The following NTSR1 variants were observed in gnomAD, a reference collection of about 807,000 sequenced individuals.
NTSR1 encodes neurotensin receptor type 1.
Under a neutral mutation model 31.2 loss-of-function variants are expected in NTSR1, and 29 were observed. The observed-to-expected ratio is 0.93, with a 90% CI of 0.69 to 1.27. The LOEUF is 1.27. NTSR1 is among the 50% of genes most tolerant of loss of function. The pLI is 0.00. For missense variants in NTSR1, 697 were observed against 595.4 expected (o/e 1.17, Z -1.78); for synonymous variants, 282 against 269.9 (o/e 1.04, Z -0.44).
intron 2 of NTSR1, 132 bp downstream of exon 2, chr20:62,755,018 G>T: frequency 2.4e-6 from 2 of 849,366 alleles, no homozygotes; most frequent in Non-Finnish European, 1.8e-6. Context: ...AGACCCAAGG[G>T]TGCCAGCTCC....
intron 1 of NTSR1, among the ~76,000 whole-genome samples, chr20:62,720,848 G>T (rs569968323): frequency 6.6e-6 from 1 of 152,130 alleles, no homozygotes; most frequent in African/African-American, 2.4e-5. Flanking sequence ...TTCTAATTTA[G>T]ATCAAAATTT....
At chr20:62,725,666 C>T (rs1226616727) in intron 1 of NTSR1, among the ~76,000 whole-genome samples, 2 of 152,202 alleles carry the variant, frequency 1.3e-5, no homozygotes, top group East Asian at 1.9e-4. Flanking sequence ...CTGCTGGGTC[C>T]GTCTGACAGT....
At chr20:62,734,105 C>T (rs1989045632) in intron 1 of NTSR1, among the ~76,000 whole-genome samples, 1 of 152,286 alleles carries the variant, frequency 6.6e-6, no homozygotes, top group African/African-American at 2.4e-5. Context: ...GTCTGCGCTT[C>T]TCATCCTGGA....
rs142609284 is a variant in NTSR1, at chr20:62,737,939, A to G, written c.715-16746A>G. 5.6e-4 allele frequency among the ~76,000 whole-genome samples: 81 copies of G among 144,888 alleles called. 1 individual carries two copies. Among genetic ancestry groups the G allele is most frequent in the African/African-American group, 1.9e-3 (74 of 39,806 alleles). ...GCCCACAGATGCCCTTCAGCCCTGC[A>G]GCCTCTGCGTAAAGCTCCCTCCTCT... is the stretch of plus-strand genomic sequence containing the variant. On this transcript the variant is annotated intron_variant, in intron 1 of 3. Coordinates refer to ENST00000370501, the MANE Select transcript of NTSR1 (RefSeq NM_002531.3).
At chr20:62,726,817 G>A (rs1213903941) in intron 1 of NTSR1, among the ~76,000 whole-genome samples, 1 of 152,132 alleles carries the variant, frequency 6.6e-6, no homozygotes, top group Non-Finnish European at 1.5e-5. Flanking sequence ...GCCTGGCCCC[G>A]GCCGCGTTAG....
In NTSR1 at chr20:62,709,697, G is replaced by A; in HGVS notation, c.490G>A (p.Val164Met). The A allele has an allele frequency of 6.2e-7, 1 of 1,612,794 alleles. No individual in the cohort carries two copies. ...ATALNVASLS[V>M]ERYLAICHPF... is the part of the protein sequence containing the mutation. ...GGCCCTCAACGTGGCCAGCCTGAGT[G>A]TGGAGCGCTACCTGGCCATCTGCCA... The change falls in exon 1 of 4, where the codon GTG (valine) becomes ATG (methionine). Residue 164 changes from valine to methionine, a missense_variant. Physicochemically the swap from Val to Met is conservative, Grantham distance 21 (BLOSUM62 1). Transcript: ENST00000370501.
rs1988610716 is a variant in NTSR1, at chr20:62,711,430, TC to T, written c.714+1513del. ...ATTGGCATTGGCCAGGGGGAACCTC[TC>T]CCCAGTCCGCGTGGAGGGGCCCCAG... is the stretch of plus-strand genomic sequence containing the variant. On this transcript the variant is annotated intron_variant, in intron 1 of 3. Coordinates refer to ENST00000370501, the MANE Select transcript of NTSR1 (RefSeq NM_002531.3). The surrounding 1 kb of genome is among the most constrained non-coding windows in gnomAD (Gnocchi z 6.4). Among the ~76,000 whole-genome samples, 1 of 151,958 alleles carries T rather than the reference TC, an allele frequency of 6.6e-6. No homozygotes were observed. The highest frequency in any genetic ancestry group is 1.5e-5 in the Non-Finnish European group (1 of 67,970).
At chr20:62,720,966 A>G (rs956891723) in intron 1 of NTSR1, among the ~76,000 whole-genome samples, 1 of 152,134 alleles carries the variant, frequency 6.6e-6, no homozygotes, top group African/African-American at 2.4e-5. Context: ...TCCATTTCTA[A>G]TTTAACCCTA....
rs1989642702 is a variant in NTSR1 at position 62,762,469 on chromosome 20, A to G, written c.*2202A>G. ...TGACTGAAGTCGGCTTTTCCCGTTG[A>G]TGTCTTGATGCTCCTATCTGTGCAC... On this transcript the variant is annotated 3_prime_UTR_variant, in exon 4 of 4. Transcript: ENST00000370501. 6.6e-6 allele frequency: 1 copy of G among 150,812 alleles called. No individual in the cohort carries two copies. The highest frequency in any genetic ancestry group is 2.1e-4 in the South Asian group (1 of 4,800). The allele number at this position is 150,812 out of a possible 1,614,324, so 9.3% of individuals were successfully genotyped here. A position where few individuals can be genotyped will look rare whatever the true frequency, so the allele number is the denominator to read the frequency against.
rs1315572228 is a variant in NTSR1, at chr20:62,754,666, C to T, written c.715-19C>T. On this transcript the variant is annotated intron_variant, in intron 1 of 3. Coordinates refer to ENST00000370501, the MANE Select transcript of NTSR1 (RefSeq NM_002531.3). ...GTCCCGCTGCTGGCTCTGACAGCCT[C>T]GCCCTTCCTCTCCTGCAGGTCAACA... 62 of 1,605,534 alleles carry T rather than the reference C, an allele frequency of 3.9e-5. No individual in the cohort carries two copies. Among genetic ancestry groups the T allele is most frequent in the Non-Finnish European group, 4.9e-5 (58 of 1,175,076 alleles).
chr20:62,716,554 G>T (rs764369660), intron 1 of NTSR1, among the ~76,000 whole-genome samples: 2 of 152,248 alleles, frequency 1.3e-5, no homozygotes, highest in Non-Finnish European at 2.9e-5. Flanking sequence ...TTCAAAGCTC[G>T]TGGGGCTGTA....
chr20:62,757,557 A>G (rs1425727631), intron 2 of NTSR1, among the ~76,000 whole-genome samples: 1 of 152,220 alleles, frequency 6.6e-6, no homozygotes, highest in Non-Finnish European at 1.5e-5. Context: ...GAATTTTAGC[A>G]CAGATTTTTC....
intron 1 of NTSR1, among the ~76,000 whole-genome samples, chr20:62,752,023 C>G (rs1044806251): frequency 6.6e-6 from 1 of 152,236 alleles, no homozygotes; most frequent in Admixed American, 6.5e-5. Flanking sequence ...TAGCGACCTG[C>G]CTTTCAAGAG....
At chr20:62,750,367 T>G (rs141892218) in intron 1 of NTSR1, among the ~76,000 whole-genome samples, 185 of 152,188 alleles carry the variant, frequency 1.2e-3, no homozygotes, top group African/African-American at 4.2e-3. Flanking sequence ...TCCGGAGCTT[T>G]GAGGTATGGT....
At chr20:62,712,047 G>T (rs953369620) in intron 1 of NTSR1, among the ~76,000 whole-genome samples, 1 of 152,228 alleles carries the variant, frequency 6.6e-6, no homozygotes, top group Non-Finnish European at 1.5e-5. Flanking sequence ...GATTACAAGG[G>T]TGCTCCTCCA....
chr20:62,739,188 A>G (rs3787530), intron 1 of NTSR1, among the ~76,000 whole-genome samples: 20,430 of 152,130 alleles, frequency 0.13, 3,315 homozygotes, highest in African/African-American at 0.36. Context: ...TCTCCAGGAC[A>G]CTTCCGGGCA....
Position 62,718,465 on chromosome 20 carries a change from A to G in NTSR1, c.714+8544A>G, listed in dbSNP as rs533624326. Among the ~76,000 whole-genome samples, 42 of 152,254 alleles carry G rather than the reference A, an allele frequency of 2.8e-4. 1 individual carries two copies. The South Asian group carries it at 8.3e-3, about 30-fold the overall frequency. The stretch of plus-strand genomic sequence containing the variant: ...CCTTCTGTGCTTGTTCGCACCTATG[A>G]GCTTCGATAAATGCAGCCATGTATC... On this transcript the variant is annotated intron_variant, in intron 1 of 3. Coordinates refer to ENST00000370501, the MANE Select transcript of NTSR1 (RefSeq NM_002531.3).
rs773616766 is a variant in NTSR1, at chr20:62,709,302, C to G, written c.95C>G (p.Ala32Gly). 2 of 1,599,954 alleles carry G rather than the reference C, an allele frequency of 1.3e-6. No individual in the cohort carries two copies. Among genetic ancestry groups the G allele is most frequent in the Non-Finnish European group, 1.7e-6 (2 of 1,176,020 alleles). Reference protein sequence around the residue: ...AQAGLEEALLAPGFGNASGNA... With the variant: ...AQAGLEEALLGPGFGNASGNA... Reference sequence around the variant, plus strand: ...GCCGGACTGGAGGAGGCGCTGCTGGCCCCGGGCTTCGGCAACGCTTCGGGC... The same window carrying G: ...GCCGGACTGGAGGAGGCGCTGCTGGGCCCGGGCTTCGGCAACGCTTCGGGC... The change falls in exon 1 of 4, where the codon GCC becomes GGC. Residue 32 changes from alanine to glycine, a missense_variant. Coordinates refer to ENST00000370501, the MANE Select transcript of NTSR1 (RefSeq NM_002531.3).
chr20:62,728,628 G>A (rs573315504), intron 1 of NTSR1, among the ~76,000 whole-genome samples: 10 of 152,322 alleles, frequency 6.6e-5, no homozygotes, highest in South Asian at 2.1e-4. Context: ...TGCGGAAGAC[G>A]CTGTGTGCAC....
Sources: allele counts gnomAD v4.1 joint callset (sites outside exome capture counted in the v4.1 genomes callset), GRCh38; gene constraint gnomAD v4.1.1; non-coding constraint Gnocchi (gnomAD v3.1); transcripts MANE v1.5; gene names NCBI Gene and HGNC (gene_info 2026-07-23, HGNC 2026-07-21).